Variants in ESRRG observed in about 807,000 individuals in gnomAD.
The protein encoded by ESRRG is estrogen related receptor gamma.
ESRRG carries 13 observed loss-of-function variants against 44.0 expected under a neutral mutation model. That is an observed-to-expected ratio of 0.30 (90% CI 0.19 to 0.47). ESRRG has a LOEUF of 0.47. ESRRG is among the 20% of genes least tolerant of loss of function. ESRRG has a pLI of 1.00. For synonymous variants in ESRRG, 215 were observed against 214.6 expected (o/e 1.00, Z -0.02); for missense variants, 395 against 580.6 (o/e 0.68, Z 3.29).
At chr1:216,686,086 A>G (rs888622710) in intron 1 of ESRRG, 2 of 152,214 alleles carry the variant, frequency 1.3e-5, no homozygotes, top group Non-Finnish European at 2.9e-5. Context: ...TTTTACCTTA[A>G]TAGCTTAGTC....
intron 2 of ESRRG, among the ~76,000 whole-genome samples, chr1:216,828,258 T>C (rs962413954): frequency 4.6e-5 from 7 of 152,194 alleles, no homozygotes; most frequent in African/African-American, 9.6e-5. Context: ...TGTATATATA[T>C]TCTGCAAATT....
chr1:216,735,991 T>A (rs5004091), intron 2 of ESRRG, among the ~76,000 whole-genome samples: 36,706 of 103,500 alleles, frequency 0.35, 5,049 homozygotes, highest in Middle Eastern at 0.44. Context: ...AAAAAAAATA[T>A]ATATATATAT....
In ESRRG at chr1:216,743,547, C is replaced by A. The variant is rs547046069; in HGVS notation, c.-13-66056G>T. Among the ~76,000 whole-genome samples the A allele has an allele frequency of 4.6e-5, 7 of 152,232 alleles. No individual in the cohort carries two copies. The East Asian group carries it at 1.2e-3, about 25-fold the overall frequency. ...CATGTTTTGAAGGCAGTCTTAGACC[C>A]AGAAACATAAATTAGAAAACACATT... On this transcript the variant is annotated intron_variant, in intron 2 of 7. Transcript: ENST00000359162.
At chr1:216,569,926 A>G (rs2060478481) in intron 3 of ESRRG, among the ~76,000 whole-genome samples, 1 of 152,172 alleles carries the variant, frequency 6.6e-6, no homozygotes, top group African/African-American at 2.4e-5. Flanking sequence ...CCAGAGCTCC[A>G]GTTTTTTTGG....
chr1:216,702,505 G>A (rs1209442873), intron 1 of ESRRG, among the ~76,000 whole-genome samples: 1 of 151,524 alleles, frequency 6.6e-6, no homozygotes, highest in Non-Finnish European at 1.5e-5. Context: ...GCTCATGCCT[G>A]TAATCCCTGC....
intron 3 of ESRRG, among the ~76,000 whole-genome samples, chr1:216,576,751 G>T (rs1322856427): frequency 6.6e-6 from 1 of 151,994 alleles, no homozygotes; most frequent in African/African-American, 2.4e-5. Flanking sequence ...GAGAGATGTT[G>T]CTCTACCAGG....
At chr1:216,507,535 C>T (rs566502875) in intron 6 of ESRRG, among the ~76,000 whole-genome samples, 2 of 152,098 alleles carry the variant, frequency 1.3e-5, no homozygotes, top group Non-Finnish European at 2.9e-5. Flanking sequence ...AATAAACAAC[C>T]ACGGAAGGCC....
upstream of ESRRG, among the ~76,000 whole-genome samples, chr1:217,093,794 A>G (rs199902175): frequency 7.2e-6 from 1 of 139,108 alleles, no homozygotes; most frequent in Non-Finnish European, 1.6e-5. Context: ...AAAAAAAAAA[A>G]CACACACACA....
At chr1:216,552,017 T>C (rs536913189) in intron 5 of ESRRG, among the ~76,000 whole-genome samples, 40 of 152,230 alleles carry the variant, frequency 2.6e-4, no homozygotes, top group Non-Finnish European at 1.6e-4. Context: ...TATAAATTAA[T>C]AGTCCTTCAG....
At chr1:216,583,841 A>G (rs933665422) in intron 3 of ESRRG, among the ~76,000 whole-genome samples, 1 of 152,114 alleles carries the variant, frequency 6.6e-6, no homozygotes, top group Non-Finnish European at 1.5e-5. Flanking sequence ...GCAGCAGGCA[A>G]AGAGAGAGAG....
intron 1 of ESRRG, among the ~76,000 whole-genome samples, chr1:217,062,837 G>A (rs981354363): frequency 1.3e-5 from 2 of 152,140 alleles, no homozygotes; most frequent in African/African-American, 4.8e-5. Context: ...CCTGGTTTGG[G>A]TTGTATTTCT....
rs904762052 is a variant in ESRRG, at chr1:216,503,594, G to A, written c.*3345C>T. The A allele has an allele frequency of 6.6e-6, 1 of 152,326 alleles. No individual in the cohort carries two copies. The highest frequency in any genetic ancestry group is 1.5e-5 in the Non-Finnish European group (1 of 67,958). 9.4% of individuals were successfully genotyped at this position (152,326 alleles called of 1,614,324 possible). On this transcript the variant is annotated 3_prime_UTR_variant, in exon 7 of 7. Coordinates refer to ENST00000408911, the MANE Select transcript of ESRRG (RefSeq NM_001438.4). ...AATTTTTTGTCCTTTTACGATCTTT[G>A]CACATAAGACTGCCATAAAATGTTT...
intron 2 of ESRRG, among the ~76,000 whole-genome samples, chr1:216,836,450 T>A (rs1348038597): frequency 6.6e-6 from 1 of 152,162 alleles, no homozygotes; most frequent in East Asian, 1.9e-4. Flanking sequence ...TGCACATCTT[T>A]TATTATTTTA....
chr1:216,671,089 G>A (rs2075081674), intron 2 of ESRRG, among the ~76,000 whole-genome samples: 2 of 152,186 alleles, frequency 1.3e-5, no homozygotes, highest in Admixed American at 6.5e-5. Context: ...AGTGGACTTA[G>A]TTCCATAATG....
intron 1 of ESRRG, among the ~76,000 whole-genome samples, chr1:216,948,176 C>T (rs1183037075): frequency 6.6e-6 from 1 of 152,158 alleles, no homozygotes; most frequent in African/African-American, 2.4e-5. Context: ...ACTAAACACT[C>T]TCTTTCCCCT....
intron 1 of ESRRG, among the ~76,000 whole-genome samples, chr1:217,011,127 G>C (rs1440676896): frequency 2.0e-5 from 3 of 152,164 alleles, no homozygotes; most frequent in African/African-American, 7.2e-5. Flanking sequence ...GTGTACATAT[G>C]TGTGAAGTCT....
intron 5 of ESRRG, among the ~76,000 whole-genome samples, chr1:216,536,586 C>T (rs1250691986): frequency 6.6e-6 from 1 of 152,080 alleles, no homozygotes; most frequent in African/African-American, 2.4e-5. Flanking sequence ...CAGGGGTCAC[C>T]TCTTCCTTGT....
At chr1:216,584,549 C>T (rs2063409662) in intron 3 of ESRRG, among the ~76,000 whole-genome samples, 1 of 152,086 alleles carries the variant, frequency 6.6e-6, no homozygotes, top group African/African-American at 2.4e-5. Context: ...AGTAACTGTG[C>T]CCGGCCCAAA....
rs1236229716 is a variant in ESRRG at position 217,068,564 on chromosome 1, T to C, written c.-106+20943A>G. ...GTGTCACTCTGAACAAGCCACATAA[T>C]CTTGCTAAGTTCACTCAGCTGTAAA... is the stretch of plus-strand genomic sequence containing the variant. On this transcript the variant is annotated intron_variant, in intron 1 of 7. Coordinates refer to the ESRRG transcript ENST00000359162. Among the ~76,000 whole-genome samples, 4 of 152,136 alleles carry C rather than the reference T, an allele frequency of 2.6e-5. No individual in the cohort carries two copies. The East Asian group carries it at 7.7e-4, about 29-fold the overall frequency.
Sources: allele counts gnomAD v4.1 joint callset (sites outside exome capture counted in the v4.1 genomes callset), GRCh38; gene constraint gnomAD v4.1.1; transcripts MANE v1.5; gene names NCBI Gene and HGNC (gene_info 2026-07-23, HGNC 2026-07-21).